Variants in FBXL2 observed in about 807,000 individuals in gnomAD.
The protein encoded by FBXL2 is F-box and leucine rich repeat protein 2, also known as F-box/LRR-repeat protein 2.
A neutral mutation model predicts 69.2 loss-of-function variants in FBXL2; 38 were observed. The ratio of observed to expected loss-of-function variants is 0.55; its 90% CI spans 0.42 to 0.72. The LOEUF (loss-of-function observed/expected upper bound fraction) is 0.72. FBXL2 is among the 30% of genes least tolerant of loss of function. The probability of loss-of-function intolerance (pLI) is 0.00; values close to 1 mark genes in which losing one functional copy is unlikely to be tolerated. For synonymous variants in FBXL2, 192 were observed against 201.3 expected (o/e 0.95, Z 0.39); for missense variants, 354 against 520.3 (o/e 0.68, Z 3.11).
At chr3:33,364,008 A>G (rs1024036991) in intron 4 of FBXL2, among the ~76,000 whole-genome samples, 1 of 152,186 alleles carries the variant, frequency 6.6e-6, no homozygotes, top group Non-Finnish European at 1.5e-5. Flanking sequence ...TTTGAAATAG[A>G]AAACATTTTT....
At chr3:33,354,525 A>T (rs986477574) in intron 2 of FBXL2, among the ~76,000 whole-genome samples, 8 of 152,036 alleles carry the variant, frequency 5.3e-5, no homozygotes, top group African/African-American at 1.9e-4. Context: ...AAAAAAAAAA[A>T]TTAAAGGGGA....
Position 33,281,684 on chromosome 3 carries a change from C to T in FBXL2, c.3+4169C>T, listed in dbSNP as rs369368934. On this transcript the variant is annotated intron_variant, in intron 1 of 14. Transcript: ENST00000484457. ...GAACAGTGTAAAAGTGTTCCTATTT[C>T]TCCACATCCTCTCCAGCACCTGTTG... is the stretch of plus-strand genomic sequence containing the variant. 8.5e-4 allele frequency among the ~76,000 whole-genome samples: 130 copies of T among 152,286 alleles called. 5 individuals carry two copies. The South Asian group carries it at 0.027, about 31-fold the overall frequency.
chr3:33,393,502 A>T (rs760470687), intron 12 of FBXL2: 2 of 1,565,092 alleles, frequency 1.3e-6, no homozygotes, highest in South Asian at 1.2e-5. Flanking sequence ...GTAATCTTTG[A>T]TCTGTTTTCT....
At chr3:33,371,259 G>C (rs2042284912) in intron 5 of FBXL2, among the ~76,000 whole-genome samples, 1 of 150,980 alleles carries the variant, frequency 6.6e-6, no homozygotes, top group Non-Finnish European at 1.5e-5. Flanking sequence ...CCACCTCCCG[G>C]GTTCAAGTGA....
At chr3:33,323,886 T>C (rs1252621078) in intron 2 of FBXL2, among the ~76,000 whole-genome samples, 1 of 152,222 alleles carries the variant, frequency 6.6e-6, no homozygotes, top group Non-Finnish European at 1.5e-5. Flanking sequence ...CACCACACTG[T>C]CTTCCACAAT....
At chr3:33,319,525 C>A (rs1279207250) in intron 2 of FBXL2, among the ~76,000 whole-genome samples, 1 of 152,122 alleles carries the variant, frequency 6.6e-6, no homozygotes, top group Non-Finnish European at 1.5e-5. Context: ...TGAATTCTTA[C>A]ATATTTACTT....
intron 1 of FBXL2, among the ~76,000 whole-genome samples, chr3:33,287,106 C>G (rs59434757): frequency 1.3e-3 from 194 of 152,286 alleles, no homozygotes; most frequent in African/African-American, 4.6e-3. Flanking sequence ...GCATCGCTCA[C>G]GCTGGGAGCT....
At chr3:33,369,581 A>G (rs945636728) in intron 5 of FBXL2, among the ~76,000 whole-genome samples, 4 of 151,984 alleles carry the variant, frequency 2.6e-5, no homozygotes, top group South Asian at 2.1e-4. Flanking sequence ...TTAACAGCCA[A>G]TTATTTTTAA....
downstream of FBXL2, among the ~76,000 whole-genome samples, chr3:33,403,834 G>T (rs1030393024): frequency 6.6e-6 from 1 of 152,170 alleles, no homozygotes; most frequent in Non-Finnish European, 1.5e-5. Context: ...CACTTTACAG[G>T]TATTCTTTCT....
intron 2 of FBXL2, among the ~76,000 whole-genome samples, chr3:33,334,791 T>TG (rs1171540824): frequency 6.6e-6 from 1 of 151,788 alleles, no homozygotes; most frequent in Non-Finnish European, 1.5e-5. Flanking sequence ...CTAAAAAAAT[T>TG]GGGGGGAGGC....
At chr3:33,305,154 T>C (rs1473922665) in intron 2 of FBXL2, among the ~76,000 whole-genome samples, 2 of 152,000 alleles carry the variant, frequency 1.3e-5, no homozygotes, top group African/African-American at 4.8e-5. Flanking sequence ...TTTTCTTTTA[T>C]GCTTAGCGTT....
the FBXL2 span, chr3:33,411,684 A>C: frequency 6.2e-7 from 1 of 1,612,818 alleles, no homozygotes. Context: ...AGACATTGGA[A>C]TATCTATGTT....
At chr3:33,352,077 T>TCC (rs2040866154) in intron 2 of FBXL2, among the ~76,000 whole-genome samples, 1 of 152,102 alleles carries the variant, frequency 6.6e-6, no homozygotes, top group Non-Finnish European at 1.5e-5. Context: ...TTTTAAGACT[T>TCC]AGTATAAAGC....
chr3:33,355,568 C>T lies in FBXL2; in HGVS notation c.66-3399C>T, dbSNP rs540438787. Among the ~76,000 whole-genome samples, 26 of 152,270 alleles carry T rather than the reference C, an allele frequency of 1.7e-4. No individual in the cohort carries two copies. In the South Asian group the frequency reaches 5.2e-3, roughly 30 times the overall value. On this transcript the variant is annotated intron_variant, in intron 2 of 14. Coordinates refer to ENST00000484457, the MANE Select transcript of FBXL2 (RefSeq NM_012157.5). Reference sequence around the variant, plus strand: ...AAGAAGAACAAAGTTGAAGGACTTACGTTACCAGACATTGTGACTTATTAT... The same window carrying T: ...AAGAAGAACAAAGTTGAAGGACTTATGTTACCAGACATTGTGACTTATTAT...
intron 13 of FBXL2, among the ~76,000 whole-genome samples, chr3:33,380,490 G>C (rs1426827607): frequency 1.3e-5 from 2 of 151,136 alleles, no homozygotes; most frequent in Non-Finnish European, 2.9e-5. Flanking sequence ...ACTGGGAGGG[G>C]GAGATTGCTG....
At chr3:33,348,351 T>C (rs1201963607) in intron 2 of FBXL2, among the ~76,000 whole-genome samples, 2 of 152,144 alleles carry the variant, frequency 1.3e-5, no homozygotes, top group Non-Finnish European at 2.9e-5. Context: ...TTCTGGCTTC[T>C]CTATTGTTCC....
chr3:33,415,613 T>G, the FBXL2 span, among the ~76,000 whole-genome samples: 3 of 152,228 alleles, frequency 2.0e-5, no homozygotes, highest in East Asian at 5.8e-4. Context: ...TTTACCATAA[T>G]AAAAAGTTAA....
intron 12 of FBXL2, chr3:33,403,108 T>A: frequency 1.9e-6 from 1 of 519,146 alleles, no homozygotes; most frequent in Non-Finnish European, 3.5e-6. Context: ...AGACACTGAT[T>A]AATCTTAGAG....
At chr3:33,417,185 T>C in the FBXL2 span, among the ~76,000 whole-genome samples, 1 of 152,196 alleles carries the variant, frequency 6.6e-6, no homozygotes, top group Non-Finnish European at 1.5e-5. Flanking sequence ...GTGTAAATCA[T>C]TGGTTTTCAG....
Sources: gnomAD v4.1 joint callset for allele counts (sites outside exome capture counted in the v4.1 genomes callset) on GRCh38, gnomAD v4.1.1 for gene constraint, MANE v1.5 for transcripts, NCBI Gene and HGNC (gene_info 2026-07-23, HGNC 2026-07-21) for gene names.